NUMB: variants seen among roughly 807,000 people sequenced by gnomAD.
NUMB encodes the protein protein numb homolog.
In NUMB, 29 loss-of-function variants were observed where a neutral mutation model predicts 59.7. That is an observed-to-expected ratio of 0.49 (90% CI 0.36 to 0.66). NUMB has a LOEUF of 0.66. Among genes scored for constraint, NUMB ranks in the 30% least tolerant of loss-of-function variants. The pLI, the probability that NUMB is intolerant of heterozygous loss-of-function variation, is 0.00. For missense variants in NUMB, 723 were observed against 822.0 expected (o/e 0.88, Z 1.47); for synonymous variants, 288 against 288.2 (o/e 1.00, Z 0.01).
At chr14:73,419,095 G>C (rs1257232744) in intron 1 of NUMB, among the ~76,000 whole-genome samples, 2 of 152,062 alleles carry the variant, frequency 1.3e-5, no homozygotes, top group African/African-American at 4.8e-5. Flanking sequence ...TTAAAGTTAA[G>C]TATGTTCATA....
At chr14:73,367,691 G>C (rs7159585) in intron 2 of NUMB, among the ~76,000 whole-genome samples, 1 of 150,514 alleles carries the variant, frequency 6.6e-6, no homozygotes. Context: ...AGAAGGATAG[G>C]TTGAGCCTGG....
At position 73,287,447 on chromosome 14, in the gene NUMB, C is replaced by T. The variant is rs962686167; in HGVS notation, c.451-133G>A. 10 of 731,728 alleles carry T rather than the reference C, an allele frequency of 1.4e-5. No individual in the cohort carries two copies. The African/African-American group carries it at 1.4e-4, about 10-fold the overall frequency. 45.3% of individuals were successfully genotyped at this position (731,728 alleles called of 1,614,324 possible). On this transcript the variant is annotated intron_variant, in intron 8 of 12. Coordinates refer to ENST00000555238, the MANE Select transcript of NUMB (RefSeq NM_001005743.2). Reference sequence around the variant, plus strand: ...AGGCTGGAGTGCAGTGGCGCAGTCTCTGCTCACTGCAACCTCTGCCTCCGG... The same window carrying T: ...AGGCTGGAGTGCAGTGGCGCAGTCTTTGCTCACTGCAACCTCTGCCTCCGG...
chr14:73,282,023 T>C (rs1414760639), intron 11 of NUMB, among the ~76,000 whole-genome samples: 1 of 152,192 alleles, frequency 6.6e-6, no homozygotes, highest in Non-Finnish European at 1.5e-5. Flanking sequence ...TTTGAACCAA[T>C]TCTGATGACT....
intron 4 of NUMB, among the ~76,000 whole-genome samples, chr14:73,324,159 T>C (rs927124523): frequency 4.6e-5 from 7 of 152,220 alleles, no homozygotes; most frequent in African/African-American, 1.7e-4. Flanking sequence ...CCAGACTCTG[T>C]CACAGGCTAT....
chr14:73,373,155 C>T (rs1448530877), intron 2 of NUMB, among the ~76,000 whole-genome samples: 1 of 152,158 alleles, frequency 6.6e-6, no homozygotes, highest in Admixed American at 6.6e-5. Flanking sequence ...AAGCATCTAC[C>T]AACACCCCAC....
At chr14:73,330,164 G>T (rs188248193) in intron 4 of NUMB, among the ~76,000 whole-genome samples, 175 of 152,144 alleles carry the variant, frequency 1.2e-3, no homozygotes, top group Non-Finnish European at 2.0e-3. Context: ...CAAAGAGCTG[G>T]GACTACAGGC....
At chr14:73,300,076 C>A (rs1325569355) in intron 6 of NUMB, among the ~76,000 whole-genome samples, 1 of 152,018 alleles carries the variant, frequency 6.6e-6, no homozygotes, top group Non-Finnish European at 1.5e-5. Context: ...TTTTAAAAAC[C>A]TCTCCCAATA....
chr14:73,313,276 C>A (rs1890880903), intron 6 of NUMB, among the ~76,000 whole-genome samples: 1 of 151,864 alleles, frequency 6.6e-6, no homozygotes, highest in South Asian at 2.1e-4. Flanking sequence ...GCCACCGCGC[C>A]CAGCCATTAT....
chr14:73,370,288 A>T (rs1009115041), intron 2 of NUMB, among the ~76,000 whole-genome samples: 1 of 152,244 alleles, frequency 6.6e-6, no homozygotes, highest in South Asian at 2.1e-4. Flanking sequence ...TAAATAAGAA[A>T]TGTTTAGGAA....
At chr14:73,450,008 T>A (rs913339403) in intron 1 of NUMB, among the ~76,000 whole-genome samples, 1 of 152,206 alleles carries the variant, frequency 6.6e-6, no homozygotes, top group African/African-American at 2.4e-5. Context: ...TGTAATGTTT[T>A]AAAGTCGACT....
At chr14:73,415,942 A>G (rs887236977) in intron 1 of NUMB, among the ~76,000 whole-genome samples, 1 of 152,234 alleles carries the variant, frequency 6.6e-6, no homozygotes, top group Non-Finnish European at 1.5e-5. Flanking sequence ...AAGAAAGAAA[A>G]AAAATCTAGA....
At chr14:73,368,515 G>A (rs1054552157) in intron 2 of NUMB, among the ~76,000 whole-genome samples, 2 of 151,766 alleles carry the variant, frequency 1.3e-5, no homozygotes, top group Non-Finnish European at 2.9e-5. Flanking sequence ...CCTGGGAGGC[G>A]GAGGTTACAG....
rs139638763 is a variant in NUMB, at chr14:73,354,685, G to A, written c.126+941C>T. ...TCTACTAAAAATACAAAAATTAGCC[G>A]GGCATGGTGGGGCACGCCTGTAGTC... On this transcript the variant is annotated intron_variant, in intron 4 of 12. Transcript: ENST00000555238. 9.8e-3 allele frequency among the ~76,000 whole-genome samples: 1,487 copies of A among 151,100 alleles called. 14 individuals carry two copies. Among genetic ancestry groups the A allele is most frequent in the Non-Finnish European group, 0.017 (1,154 of 67,790 alleles).
chr14:73,413,812 A>T lies in NUMB; in HGVS notation c.-232-3744T>A, dbSNP rs1897005356. On this transcript the variant is annotated intron_variant, in intron 1 of 12. Transcript: ENST00000555238. ...AAACAAAATAAAAACAAACAAACAAAACAAAGAGTTCTTTTATTATGTATG... is the reference window on the plus strand; with the variant it reads ...AAACAAAATAAAAACAAACAAACAATACAAAGAGTTCTTTTATTATGTATG... 3.9e-5 allele frequency among the ~76,000 whole-genome samples: 6 copies of T among 152,196 alleles called. No homozygotes were observed. In the South Asian group the frequency reaches 1.2e-3, roughly 32 times the overall value.
intron 4 of NUMB, among the ~76,000 whole-genome samples, chr14:73,350,656 T>C (rs1008267688): frequency 2.0e-5 from 3 of 149,992 alleles, no homozygotes; most frequent in African/African-American, 7.4e-5. Context: ...CTCAGCCTCC[T>C]GTGTAGCTCA....
intron 4 of NUMB, among the ~76,000 whole-genome samples, chr14:73,327,919 C>T (rs186586086): frequency 2.2e-4 from 33 of 152,270 alleles, no homozygotes; most frequent in African/African-American, 6.3e-4. Flanking sequence ...CCCACCACAC[C>T]CAGTCCCCAG....
In NUMB at chr14:73,329,932, G is replaced by A. The variant is rs576879916; in HGVS notation, c.127-6728C>T. Among the ~76,000 whole-genome samples the A allele has an allele frequency of 5.3e-3, 807 of 152,310 alleles. 1 individual carries two copies. Among genetic ancestry groups the A allele is most frequent in the Non-Finnish European group, 0.01 (681 of 68,026 alleles). ...TCTGATTTCTTTGGTGGCCTTCAGA[G>A]CTTAGCTTGTTGAAAACTGCACCTC... On this transcript the variant is annotated intron_variant, in intron 4 of 12. Transcript: ENST00000555238.
At chr14:73,431,558 C>T (rs1438563125) in intron 1 of NUMB, among the ~76,000 whole-genome samples, 9 of 151,416 alleles carry the variant, frequency 5.9e-5, no homozygotes. Context: ...ATCAGCCTGG[C>T]CAACATGGTG....
chr14:73,417,552 A>G (rs78255401), intron 1 of NUMB, among the ~76,000 whole-genome samples: 2 of 143,468 alleles, frequency 1.4e-5, no homozygotes, highest in African/African-American at 5.1e-5. Context: ...ACCCTCTCTC[A>G]AAAAAAAAAA....
Sources: allele counts gnomAD v4.1 joint callset (sites outside exome capture counted in the v4.1 genomes callset), GRCh38; gene constraint gnomAD v4.1.1; transcripts MANE v1.5; gene names NCBI Gene and HGNC (gene_info 2026-07-23, HGNC 2026-07-21).